Variants in RIMS2 observed in about 807,000 individuals in gnomAD.
RIMS2 encodes regulating synaptic membrane exocytosis 2.
Under a neutral mutation model 174.4 loss-of-function variants are expected in RIMS2, and 59 were observed. That is an observed-to-expected ratio of 0.34 (90% CI 0.27 to 0.42). The LOEUF (loss-of-function observed/expected upper bound fraction) is 0.42. Among genes scored for constraint, RIMS2 ranks in the 10% least tolerant of loss-of-function variants. RIMS2 has a pLI of 1.00. For missense variants in RIMS2, 1,620 were observed against 1,666.3 expected (o/e 0.97, Z 0.48); for synonymous variants, 606 against 572.5 (o/e 1.06, Z -0.84).
At chr8:103,695,214 A>T (rs991755438) in intron 1 of RIMS2, among the ~76,000 whole-genome samples, 4 of 152,104 alleles carry the variant, frequency 2.6e-5, no homozygotes, top group Admixed American at 2.6e-4. Flanking sequence ...TAGTTGCTAT[A>T]ATCTCCCACC....
chr8:103,523,350 C>T (rs1162079993), intron 1 of RIMS2, among the ~76,000 whole-genome samples: 3 of 151,392 alleles, frequency 2.0e-5, no homozygotes, highest in African/African-American at 7.3e-5. Context: ...TTGACTGCAG[C>T]TATTTGGGTC....
chr8:104,046,185 G>A (rs529789391), intron 19 of RIMS2, among the ~76,000 whole-genome samples: 1 of 152,114 alleles, frequency 6.6e-6, no homozygotes, highest in East Asian at 1.9e-4. Context: ...TTTAGTGTCT[G>A]GCTAGGGCCT....
chr8:103,556,814 G>T (rs749004725), intron 1 of RIMS2, among the ~76,000 whole-genome samples: 5 of 152,028 alleles, frequency 3.3e-5, no homozygotes, highest in Non-Finnish European at 7.4e-5. Context: ...GGTTCCCAGG[G>T]TTAACCCAAA....
At chr8:104,159,274 T>C (rs2098745588) in intron 19 of RIMS2, among the ~76,000 whole-genome samples, 1 of 152,316 alleles carries the variant, frequency 6.6e-6, no homozygotes, top group South Asian at 2.1e-4. Flanking sequence ...TTGGTACCAG[T>C]ACCATGCTGT....
Position 104,133,988 on chromosome 8 carries a change from T to C in RIMS2, c.3335-110928T>C, listed in dbSNP as rs180866598. Among the ~76,000 whole-genome samples, 48 of 152,208 alleles carry C rather than the reference T, an allele frequency of 3.2e-4. No individual in the cohort carries two copies. The East Asian group carries it at 9.1e-3, about 29-fold the overall frequency. On this transcript the variant is annotated intron_variant, in intron 19 of 23. Coordinates refer to ENST00000504942, the Ensembl canonical transcript of RIMS2. ...ACTAGGCAACTGGGTAGATATGAAG[T>C]TCAGAAAGAAGCTCAGCCTACTAAC...
intron 1 of RIMS2, among the ~76,000 whole-genome samples, chr8:103,600,141 C>T (rs1298486435): frequency 6.6e-6 from 1 of 152,176 alleles, no homozygotes; most frequent in Non-Finnish European, 1.5e-5. Flanking sequence ...TGAGTGAGAA[C>T]ATACAATGTT....
intron 1 of RIMS2, among the ~76,000 whole-genome samples, chr8:103,624,110 A>G (rs1334506520): frequency 2.0e-5 from 3 of 152,224 alleles, no homozygotes. Flanking sequence ...ATGATAGTTA[A>G]TTTGATGTGT....
At chr8:103,986,045 A>T (rs986194284) in intron 16 of RIMS2, among the ~76,000 whole-genome samples, 14 of 151,950 alleles carry the variant, frequency 9.2e-5, no homozygotes, top group Non-Finnish European at 1.3e-4. Flanking sequence ...AATGGCAACT[A>T]TAGTTAATAT....
intron 1 of RIMS2, among the ~76,000 whole-genome samples, chr8:103,503,870 A>G (rs1821927730): frequency 6.6e-6 from 1 of 152,072 alleles, no homozygotes; most frequent in Non-Finnish European, 1.5e-5. Flanking sequence ...GAACTGAGTG[A>G]TCAAAACTGA....
At chr8:103,811,079 G>C (rs1441237484) in intron 3 of RIMS2, among the ~76,000 whole-genome samples, 1 of 152,142 alleles carries the variant, frequency 6.6e-6, no homozygotes, top group Non-Finnish European at 1.5e-5. Flanking sequence ...GTGAGTTCTT[G>C]AAGTTCCAGG....
intron 1 of RIMS2, among the ~76,000 whole-genome samples, chr8:103,621,158 A>T (rs959401868): frequency 6.6e-6 from 1 of 152,208 alleles, no homozygotes; most frequent in African/African-American, 2.4e-5. Flanking sequence ...GCCATAAAGA[A>T]ATAGCACTTG....
At chr8:103,982,673 T>G (rs1232654712) in intron 16 of RIMS2, among the ~76,000 whole-genome samples, 4 of 152,116 alleles carry the variant, frequency 2.6e-5, no homozygotes, top group Non-Finnish European at 5.9e-5. Context: ...TAATTGTTTC[T>G]GAAAAAGCAT....
At chr8:104,178,609 G>A (rs2098920217) in intron 19 of RIMS2, among the ~76,000 whole-genome samples, 1 of 152,120 alleles carries the variant, frequency 6.6e-6, no homozygotes, top group African/African-American at 2.4e-5. Context: ...AATCTTGGGG[G>A]AACATCTTTA....
chr8:103,982,176 CACTT>C (rs1234613321), intron 16 of RIMS2, among the ~76,000 whole-genome samples: 1 of 151,990 alleles, frequency 6.6e-6, no homozygotes, highest in Non-Finnish European at 1.5e-5. Flanking sequence ...AACTCCTAGA[CACTT>C]ACTAGATTGG....
intron 1 of RIMS2, among the ~76,000 whole-genome samples, chr8:103,591,623 T>A (rs916471421): frequency 6.6e-6 from 1 of 151,260 alleles, no homozygotes; most frequent in African/African-American, 2.4e-5. Flanking sequence ...TTTAAAAATT[T>A]TTTCCATATG....
chr8:103,829,170 T>C (rs2098810298), intron 3 of RIMS2, among the ~76,000 whole-genome samples: 1 of 149,990 alleles, frequency 6.7e-6, no homozygotes, highest in Admixed American at 6.8e-5. Context: ...ATTAGAGAAA[T>C]GCAAAGCAAA....
chr8:104,107,380 TA>T (rs2098090627), intron 19 of RIMS2, among the ~76,000 whole-genome samples: 1 of 152,222 alleles, frequency 6.6e-6, no homozygotes, highest in Non-Finnish European at 1.5e-5. Context: ...GATAGTTTTT[TA>T]AGTATATATT....
chr8:103,813,309 G>A lies in RIMS2; in HGVS notation c.698+46772G>A, dbSNP rs554421496. Among the ~76,000 whole-genome samples the A allele has an allele frequency of 7.2e-5, 11 of 152,166 alleles. No homozygotes were observed. In the East Asian group the frequency reaches 2.1e-3, roughly 29 times the overall value. On this transcript the variant is annotated intron_variant, in intron 3 of 23. Transcript: ENST00000504942. ...ATTCTTTCATTTAATTTTTGAGTTT[G>A]TGTTAATTTTCTTAAGACATTTAGC...
At chr8:103,542,731 A>G (rs1843096372) in intron 1 of RIMS2, among the ~76,000 whole-genome samples, 1 of 152,200 alleles carries the variant, frequency 6.6e-6, no homozygotes, top group Non-Finnish European at 1.5e-5. Flanking sequence ...ACAATTCTGT[A>G]AATGTGATAT....
Sources: gnomAD v4.1 joint callset for allele counts (sites outside exome capture counted in the v4.1 genomes callset) on GRCh38, gnomAD v4.1.1 for gene constraint, MANE v1.5 for transcripts, NCBI Gene and HGNC (gene_info 2026-07-23, HGNC 2026-07-21) for gene names.